Variants in DCAF16 observed in about 807,000 individuals in gnomAD.
DCAF16 encodes the protein DDB1 and CUL4 associated factor 16, also known as DDB1- and CUL4-associated factor 16.
Under a neutral mutation model 17.3 loss-of-function variants are expected in DCAF16, and 10 were observed. The ratio of observed to expected loss-of-function variants is 0.58; its 90% CI spans 0.36 to 0.98. DCAF16 has a LOEUF of 0.98. Ranked by LOEUF, DCAF16 falls within the 50% of genes least tolerant of loss-of-function variation. DCAF16 has a pLI of 0.01. For synonymous variants in DCAF16, 111 were observed against 92.8 expected, an observed-to-expected ratio of 1.20 and a Z score of -1.12; for missense variants, 249 against 247.6, an observed-to-expected ratio of 1.01 and a Z score of -0.04.
At position 17,804,152 on chromosome 4, in the gene DCAF16, C is replaced by T; in HGVS notation, c.-11G>A. On this transcript the variant is annotated 5_prime_UTR_variant, in exon 3 of 3. Transcript: ENST00000382247. ...ATTTCTAGGACCCATCAGAATAAAA[C>T]ACAGTAAGGAACCAGAAAAAGGTAA... 6.2e-7 allele frequency: 1 copy of T among 1,605,700 alleles called. No homozygotes were observed. The highest frequency in any genetic ancestry group is 8.5e-7 in the Non-Finnish European group (1 of 1,176,408).
downstream of DCAF16, among the ~76,000 whole-genome samples, chr4:17,796,370 A>G (rs1296986570): frequency 6.6e-6 from 1 of 151,960 alleles, no homozygotes; most frequent in Non-Finnish European, 1.5e-5. Context: ...AAAGAGTGAT[A>G]TACTTTCCCT....
chr4:17,803,654 G>A lies in DCAF16; in HGVS notation c.488C>T (p.Pro163Leu). The A allele has an allele frequency of 6.2e-7, 1 of 1,614,222 alleles. No individual in the cohort carries two copies. The highest frequency in any genetic ancestry group is 1.1e-5 in the South Asian group (1 of 91,084). ...ATTAGGGATCTGTTTTAGGTATTCA[G>A]GTATGGGAGTGGCTCTACTCAATGT... ...SRTLSRATPI[P>L]EYLKQIPNSC... The change falls in exon 3 of 3, where the codon CCT (proline) becomes CTT (leucine). Residue 163 changes from proline (P) to leucine (L), a missense_variant. Physicochemically the swap from Pro to Leu is moderately conservative, Grantham distance 98. Transcript: ENST00000382247.
At position 17,803,226 on chromosome 4, in the gene DCAF16, T is replaced by C; in HGVS notation, c.*265A>G. Reference sequence around the variant, plus strand: ...TTTTAGTAGAGACAGGGTTTCACTGTGTTGGCAAGGCTGGTCTCAAACTTC... The same window carrying C: ...TTTTAGTAGAGACAGGGTTTCACTGCGTTGGCAAGGCTGGTCTCAAACTTC... On this transcript the variant is annotated 3_prime_UTR_variant, in exon 3 of 3. Coordinates refer to ENST00000382247, the MANE Select transcript of DCAF16 (RefSeq NM_017741.4). The C allele has an allele frequency of 1.2e-5, 5 of 429,954 alleles. No homozygotes were observed. The highest frequency in any genetic ancestry group is 1.7e-5 in the Non-Finnish European group (4 of 235,916). 26.6% of individuals were successfully genotyped at this position (429,954 alleles called of 1,614,324 possible). A position where few individuals can be genotyped will look rare whatever the true frequency, so the allele number is the denominator to read the frequency against.
downstream of DCAF16, among the ~76,000 whole-genome samples, chr4:17,797,941 C>A (rs143812827): frequency 3.7e-3 from 556 of 152,322 alleles, 6 homozygotes; most frequent in African/African-American, 0.012. Context: ...TTAACAATTT[C>A]TCCCCAAATA....
downstream of DCAF16, among the ~76,000 whole-genome samples, chr4:17,796,438 C>T (rs538581406): frequency 2.0e-4 from 31 of 152,202 alleles, no homozygotes; most frequent in South Asian, 2.1e-3. Context: ...TGGCCAGGTG[C>T]GGTGGCTCAC....
At chr4:17,797,076 A>G (rs986773879), downstream of DCAF16, among the ~76,000 whole-genome samples, 2 of 152,028 alleles carry the variant, frequency 1.3e-5, no homozygotes, top group South Asian at 4.1e-4. Flanking sequence ...AATCCTCCCA[A>G]TTTAGCCTCC....
chr4:17,805,472 A>G (rs1720239425), intron 1 of DCAF16, among the ~76,000 whole-genome samples: 1 of 152,148 alleles, frequency 6.6e-6, no homozygotes, highest in African/African-American at 2.4e-5. Context: ...CCAGAACTAA[A>G]GGAAAAAAAG....
downstream of DCAF16, among the ~76,000 whole-genome samples, chr4:17,799,292 G>T (rs1269879503): frequency 6.6e-6 from 1 of 152,096 alleles, no homozygotes; most frequent in Non-Finnish European, 1.5e-5. Flanking sequence ...TTCAATATGT[G>T]AAGGGCCAAC....
At position 17,801,101 on chromosome 4, in the gene DCAF16, G is replaced by A. The variant is rs1719727696; in HGVS notation, c.*2390C>T. On this transcript the variant is annotated 3_prime_UTR_variant, in exon 3 of 3. Transcript: ENST00000382247. Reference sequence around the variant, plus strand: ...ATAAGCATTCTTCTCTCTTCTTAAAGTTGCTATATATTTACACAATTTGTG... The same window carrying A: ...ATAAGCATTCTTCTCTCTTCTTAAAATTGCTATATATTTACACAATTTGTG... The A allele has an allele frequency of 6.6e-6, 1 of 151,516 alleles. No homozygotes were observed. The highest frequency in any genetic ancestry group is 6.6e-5 in the Admixed American group (1 of 15,182). 9.4% of individuals were successfully genotyped at this position (151,516 alleles called of 1,614,324 possible).
At chr4:17,797,646 G>A (rs577352686), downstream of DCAF16, among the ~76,000 whole-genome samples, 4 of 152,200 alleles carry the variant, frequency 2.6e-5, no homozygotes, top group Non-Finnish European at 4.4e-5. Flanking sequence ...GGTAGTGGCT[G>A]CACCCTTCTT....
At chr4:17,799,321 G>T (rs1560205314), downstream of DCAF16, among the ~76,000 whole-genome samples, 1 of 152,070 alleles carries the variant, frequency 6.6e-6, no homozygotes, top group African/African-American at 2.4e-5. Flanking sequence ...TAGGGTTTAG[G>T]TTTATTTAAT....
At chr4:17,809,799 A>G (rs1166684617) in intron 1 of DCAF16, 2 of 152,244 alleles carry the variant, frequency 1.3e-5, no homozygotes, top group African/African-American at 4.8e-5. Context: ...ACGCTACTCA[A>G]GAAATGGGGG....
At chr4:17,798,983 G>A (rs1313603248), downstream of DCAF16, among the ~76,000 whole-genome samples, 3 of 152,148 alleles carry the variant, frequency 2.0e-5, no homozygotes, top group Non-Finnish European at 4.4e-5. Flanking sequence ...GGACAGATAC[G>A]TTACCAGCTT....
downstream of DCAF16, among the ~76,000 whole-genome samples, chr4:17,798,240 C>T (rs771578092): frequency 2.0e-5 from 3 of 151,252 alleles, no homozygotes; most frequent in Non-Finnish European, 4.4e-5. Context: ...CTGTTGCTAA[C>T]GTTTTTAACT....
chr4:17,805,684 G>C (rs1648101216), intron 1 of DCAF16, among the ~76,000 whole-genome samples: 1 of 152,230 alleles, frequency 6.6e-6, no homozygotes, highest in African/African-American at 2.4e-5. Context: ...GTCAGGGGCA[G>C]GACACAGTGG....
At position 17,810,488 on chromosome 4, in the gene DCAF16, C is replaced by G. The variant is rs1720812504; in HGVS notation, c.-791G>C. ...CAGCGGACCCAGCAGCGTCGTCTCC[C>G]TTCTCAGAGGTGGCCGGGCCTCCGG... On this transcript the variant is annotated 5_prime_UTR_variant, in exon 1 of 3. Transcript: ENST00000382247. 6.6e-6 allele frequency: 1 copy of G among 152,438 alleles called. No individual in the cohort carries two copies. The highest frequency in any genetic ancestry group is 2.4e-5 in the African/African-American group (1 of 41,478). 9.4% of individuals were successfully genotyped at this position (152,438 alleles called of 1,614,324 possible).
the DCAF16 span, among the ~76,000 whole-genome samples, chr4:17,793,891 T>A: frequency 3.9e-5 from 6 of 152,134 alleles, no homozygotes; most frequent in Admixed American, 1.3e-4. Flanking sequence ...CCTGGCATGG[T>A]TTACTCAATA....
downstream of DCAF16, among the ~76,000 whole-genome samples, chr4:17,798,605 A>T (rs1719541259): frequency 6.6e-6 from 1 of 152,046 alleles, no homozygotes; most frequent in African/African-American, 2.4e-5. Flanking sequence ...AAAAAATAAA[A>T]AAATAATAAT....
rs1043566394 is a variant in DCAF16 at position 17,802,097 on chromosome 4, G to T, written c.*1394C>A. On this transcript the variant is annotated 3_prime_UTR_variant, in exon 3 of 3. Coordinates refer to ENST00000382247, the MANE Select transcript of DCAF16 (RefSeq NM_017741.4). Reference sequence around the variant, plus strand: ...AGCCTGGGCGACAGAGCAAGACTCCGTCTCAAAAAAAAAAAAAAAAAAAAA... The same window carrying T: ...AGCCTGGGCGACAGAGCAAGACTCCTTCTCAAAAAAAAAAAAAAAAAAAAA... The T allele has an allele frequency of 5.8e-5, 5 of 86,888 alleles. No individual in the cohort carries two copies. Among genetic ancestry groups the T allele is most frequent in the Non-Finnish European group, 9.3e-5 (4 of 43,232 alleles). 5.4% of individuals were successfully genotyped at this position (86,888 alleles called of 1,614,324 possible).
Sources: allele counts gnomAD v4.1 joint callset (sites outside exome capture counted in the v4.1 genomes callset), GRCh38; gene constraint gnomAD v4.1.1; transcripts MANE v1.5; gene names NCBI Gene and HGNC (gene_info 2026-07-23, HGNC 2026-07-21).